The following CSMD1 variants were observed in gnomAD, a reference collection of about 807,000 sequenced individuals.
CSMD1 encodes CUB and Sushi multiple domains 1.
CSMD1 carries 213 observed loss-of-function variants against 417.5 expected under a neutral mutation model. That is an observed-to-expected ratio of 0.51 (90% CI 0.46 to 0.57). The LOEUF (loss-of-function observed/expected upper bound fraction) is 0.57. CSMD1 is among the 20% of genes least tolerant of loss of function. The pLI is 0.00. For synonymous variants in CSMD1, 2,862 were observed against 1,736.8 expected (o/e 1.65, Z -16.11); for missense variants, 6,923 against 4,529.7 (o/e 1.53, Z -15.17).
At chr8:3,614,063 T>C (rs1197547295) in intron 8 of CSMD1, among the ~76,000 whole-genome samples, 2 of 152,158 alleles carry the variant, frequency 1.3e-5, no homozygotes, top group East Asian at 3.9e-4. Context: ...TTGTCTCTGT[T>C]ATGTATATAT....
chr8:4,437,468 A>G (rs1585073363), intron 2 of CSMD1, among the ~76,000 whole-genome samples: 1 of 152,342 alleles, frequency 6.6e-6, no homozygotes, highest in East Asian at 1.9e-4. Context: ...AAAGTTAATT[A>G]CATGAAAAGT....
rs79150114 is a variant in CSMD1 at position 3,693,270 on chromosome 8, G to T, written c.1009+15144C>A. Among the ~76,000 whole-genome samples the T allele has an allele frequency of 4.4e-3, 677 of 152,162 alleles. 8 individuals are homozygous for T. Among genetic ancestry groups the T allele is most frequent in the African/African-American group, 0.015 (642 of 41,502 alleles). On this transcript the variant is annotated intron_variant, in intron 7 of 69. Coordinates refer to ENST00000635120, the MANE Select transcript of CSMD1 (RefSeq NM_033225.6). ...GGTATATAACCAAGTAGGATGCAAG[G>T]TCACTTATCAATGAGATTATATTCT...
chr8:4,693,692 G>A (rs550103944), intron 1 of CSMD1, among the ~76,000 whole-genome samples: 1 of 152,072 alleles, frequency 6.6e-6, no homozygotes, highest in East Asian at 1.9e-4. Flanking sequence ...CAGAGATGAG[G>A]TCTCCCTACG....
chr8:3,948,657 A>G (rs1282810832), intron 5 of CSMD1, among the ~76,000 whole-genome samples: 1 of 152,172 alleles, frequency 6.6e-6, no homozygotes, highest in Non-Finnish European at 1.5e-5. Context: ...CAACTTTCCT[A>G]AAGAAATAAT....
At chr8:3,970,565 G>C (rs1423821755) in intron 5 of CSMD1, among the ~76,000 whole-genome samples, 2 of 152,106 alleles carry the variant, frequency 1.3e-5, no homozygotes, top group East Asian at 3.8e-4. Context: ...GATTTGCAAC[G>C]GAAATGTTGT....
At chr8:3,812,555 T>C (rs929558776) in intron 5 of CSMD1, among the ~76,000 whole-genome samples, 6 of 152,148 alleles carry the variant, frequency 3.9e-5, no homozygotes, top group African/African-American at 1.4e-4. Context: ...AATTCAACTA[T>C]CCTCGGAGAC....
chr8:3,071,479 T>G (rs972059626), intron 49 of CSMD1, among the ~76,000 whole-genome samples: 3 of 152,028 alleles, frequency 2.0e-5, no homozygotes, highest in Non-Finnish European at 4.4e-5. Flanking sequence ...GTAACAAACC[T>G]GCACATTCTG....
chr8:4,075,198 T>C (rs887682646), intron 3 of CSMD1, among the ~76,000 whole-genome samples: 1 of 152,196 alleles, frequency 6.6e-6, no homozygotes, highest in Non-Finnish European at 1.5e-5. Context: ...ACATTTAAAA[T>C]GTAAATAATA....
At chr8:3,250,261 A>G (rs1800166205) in intron 26 of CSMD1, among the ~76,000 whole-genome samples, 1 of 151,982 alleles carries the variant, frequency 6.6e-6, no homozygotes, top group African/African-American at 2.4e-5. Flanking sequence ...TCCTGTGTCC[A>G]TGTGTACTCA....
intron 1 of CSMD1, among the ~76,000 whole-genome samples, chr8:4,836,814 A>T (rs1238658098): frequency 6.6e-6 from 1 of 151,978 alleles, no homozygotes; most frequent in Non-Finnish European, 1.5e-5. Flanking sequence ...GCCCTGTGTT[A>T]GTTTCAGCCA....
At chr8:3,159,594 A>G (rs976244122) in intron 38 of CSMD1, among the ~76,000 whole-genome samples, 16 of 152,354 alleles carry the variant, frequency 1.1e-4, no homozygotes, top group South Asian at 4.1e-4. Context: ...AAGTGTTAGT[A>G]AAATTGTCAG....
intron 6 of CSMD1, among the ~76,000 whole-genome samples, chr8:3,719,080 G>C (rs1474922156): frequency 6.6e-6 from 1 of 152,186 alleles, no homozygotes; most frequent in Non-Finnish European, 1.5e-5. Flanking sequence ...GTGGAAAACA[G>C]AGGTGTCTCA....
intron 3 of CSMD1, among the ~76,000 whole-genome samples, chr8:4,043,175 A>T (rs1363851999): frequency 6.6e-6 from 1 of 152,162 alleles, no homozygotes; most frequent in Admixed American, 6.5e-5. Flanking sequence ...GTATAACATC[A>T]CAGTAGATTA....
intron 40 of CSMD1, among the ~76,000 whole-genome samples, chr8:3,149,417 TG>T (rs1819055405): frequency 2.0e-5 from 3 of 152,346 alleles, no homozygotes; most frequent in South Asian, 4.1e-4. Context: ...TTTTTGTTGT[TG>T]TTGTTGTTGT....
intron 2 of CSMD1, among the ~76,000 whole-genome samples, chr8:4,521,247 T>C (rs1003643553): frequency 1.3e-5 from 2 of 152,164 alleles, no homozygotes; most frequent in Non-Finnish European, 2.9e-5. Flanking sequence ...ATGATAGTCA[T>C]AGTGTCATGG....
chr8:4,781,395 T>C (rs994556194), intron 1 of CSMD1, among the ~76,000 whole-genome samples: 3 of 152,220 alleles, frequency 2.0e-5, no homozygotes, highest in African/African-American at 7.2e-5. Context: ...TCATTTATCT[T>C]ACCCCCATCC....
intron 5 of CSMD1, among the ~76,000 whole-genome samples, chr8:3,910,163 T>A (rs979922048): frequency 6.6e-6 from 1 of 152,136 alleles, no homozygotes; most frequent in Non-Finnish European, 1.5e-5. Flanking sequence ...GTCGGACACA[T>A]GTTACATCGG....
chr8:4,526,148 T>C (rs1002873175), intron 2 of CSMD1, among the ~76,000 whole-genome samples: 1 of 152,192 alleles, frequency 6.6e-6, no homozygotes, highest in Non-Finnish European at 1.5e-5. Flanking sequence ...GAGAAAGTGT[T>C]GTTAAGAGAG....
At chr8:3,157,024 T>C (rs933368428) in intron 39 of CSMD1, among the ~76,000 whole-genome samples, 1 of 143,850 alleles carries the variant, frequency 7.0e-6, no homozygotes, top group African/African-American at 2.6e-5. Flanking sequence ...ATACTGCTAA[T>C]AGCATTCGCA....
Sources: gnomAD v4.1 joint callset for allele counts (sites outside exome capture counted in the v4.1 genomes callset) on GRCh38, gnomAD v4.1.1 for gene constraint, MANE v1.5 for transcripts, NCBI Gene and HGNC (gene_info 2026-07-23, HGNC 2026-07-21) for gene names.